RBFOX1: variants seen among roughly 807,000 people sequenced by gnomAD.
RBFOX1 encodes RNA binding fox-1 homolog 1.
RBFOX1 carries 8 observed loss-of-function variants against 57.7 expected under a neutral mutation model. The ratio of observed to expected loss-of-function variants is 0.14; its 90% CI spans 0.08 to 0.25. The LOEUF is 0.25. RBFOX1 is among the 10% of genes least tolerant of loss of function. RBFOX1 has a pLI of 1.00. For missense variants in RBFOX1, 611 were observed against 548.5 expected (o/e 1.11, Z -1.14); for synonymous variants, 326 against 222.4 (o/e 1.47, Z -4.15).
chr16:6,961,352 G>C (rs1183374569), intron 3 of RBFOX1, among the ~76,000 whole-genome samples: 3 of 152,134 alleles, frequency 2.0e-5, no homozygotes, highest in Non-Finnish European at 2.9e-5. Flanking sequence ...GTCCACTCCA[G>C]ACCGTGTTCA....
intron 1 of RBFOX1, among the ~76,000 whole-genome samples, chr16:5,312,190 T>G (rs1281636948): frequency 6.6e-6 from 1 of 152,230 alleles, no homozygotes; most frequent in Non-Finnish European, 1.5e-5. Context: ...AGGCCATTGT[T>G]GTGAGTGAAG....
At chr16:6,465,592 A>G (rs1337381242) in intron 2 of RBFOX1, among the ~76,000 whole-genome samples, 3 of 139,978 alleles carry the variant, frequency 2.1e-5, no homozygotes, top group Non-Finnish European at 4.5e-5. Flanking sequence ...TTATAGATGT[A>G]TAGGGCTGTG....
intron 4 of RBFOX1, among the ~76,000 whole-genome samples, chr16:7,440,100 C>T (rs958765037): frequency 2.6e-5 from 4 of 151,854 alleles, no homozygotes; most frequent in Admixed American, 6.6e-5. Context: ...TTTGCCGTGT[C>T]GCCTAGGCTG....
At chr16:7,043,618 G>C (rs772168347) in intron 3 of RBFOX1, among the ~76,000 whole-genome samples, 65 of 152,198 alleles carry the variant, frequency 4.3e-4, no homozygotes, top group Non-Finnish European at 8.1e-4. Context: ...TGGTAAACTT[G>C]TCCAGTGTTT....
At chr16:6,842,765 T>C (rs1038373712) in intron 3 of RBFOX1, among the ~76,000 whole-genome samples, 43 of 151,972 alleles carry the variant, frequency 2.8e-4, no homozygotes, top group African/African-American at 1.0e-3. Flanking sequence ...CAACCCGTCA[T>C]CTAGGTTTTA....
rs571477078 is a variant in RBFOX1, at chr16:6,404,059, G to A, written c.-64+87002G>A. Among the ~76,000 whole-genome samples, 9 of 152,206 alleles carry A rather than the reference G, an allele frequency of 5.9e-5. No individual in the cohort carries two copies. The East Asian group carries it at 9.7e-4, about 16-fold the overall frequency. ...AAATTTATGTTGTTTAACTCACCTAGCCTATACAGCTGGCTCTCCATGTCC... is the reference window on the plus strand; with the variant it reads ...AAATTTATGTTGTTTAACTCACCTAACCTATACAGCTGGCTCTCCATGTCC... On this transcript the variant is annotated intron_variant, in intron 2 of 15. Coordinates refer to ENST00000550418, the MANE Select transcript of RBFOX1 (RefSeq NM_018723.4).
chr16:6,484,719 T>G (rs967409140), intron 2 of RBFOX1, among the ~76,000 whole-genome samples: 3 of 152,086 alleles, frequency 2.0e-5, no homozygotes, highest in Non-Finnish European at 4.4e-5. Flanking sequence ...CCTTCCTACT[T>G]AAGAGGGCTC....
intron 3 of RBFOX1, among the ~76,000 whole-genome samples, chr16:7,037,281 C>A (rs771175305): frequency 7.4e-6 from 1 of 134,512 alleles, no homozygotes; most frequent in Non-Finnish European, 1.5e-5. Context: ...CTCTTGTTGC[C>A]CAGGCTGGAG....
intron 2 of RBFOX1, among the ~76,000 whole-genome samples, chr16:6,589,098 T>C (rs938635141): frequency 2.5e-5 from 1 of 39,806 alleles, no homozygotes; most frequent in Non-Finnish European, 1.5e-4. Context: ...ATTCCATCTA[T>C]ATTACAAAAA....
chr16:6,946,749 C>T (rs1049421265), intron 3 of RBFOX1, among the ~76,000 whole-genome samples: 3 of 152,034 alleles, frequency 2.0e-5, no homozygotes, highest in Non-Finnish European at 4.4e-5. Context: ...ACTACAGACT[C>T]ACTCCACTCT....
chr16:6,780,758 T>G (rs2080876959), intron 3 of RBFOX1, among the ~76,000 whole-genome samples: 1 of 151,626 alleles, frequency 6.6e-6, no homozygotes, highest in African/African-American at 2.4e-5. Flanking sequence ...CGTTGAGCAT[T>G]TTTCCGCATA....
intron 3 of RBFOX1, among the ~76,000 whole-genome samples, chr16:5,620,960 C>T (rs556036251): frequency 1.3e-5 from 2 of 152,158 alleles, no homozygotes; most frequent in Admixed American, 6.5e-5. Context: ...CCTGCCTCAG[C>T]CTCCCAAGTA....
intron 2 of RBFOX1, among the ~76,000 whole-genome samples, chr16:5,597,445 C>G (rs1047173271): frequency 7.2e-6 from 1 of 139,152 alleles, no homozygotes; most frequent in Non-Finnish European, 1.5e-5. Flanking sequence ...GTCGCTCAGG[C>G]TGGAGTGCAA....
intron 1 of RBFOX1, among the ~76,000 whole-genome samples, chr16:6,271,848 G>A (rs926125281): frequency 6.6e-6 from 1 of 152,080 alleles, no homozygotes; most frequent in South Asian, 2.1e-4. Context: ...GGAGGTTTTT[G>A]TTAGAGAATT....
intron 3 of RBFOX1, among the ~76,000 whole-genome samples, chr16:5,729,426 G>A (rs28503337): frequency 0.41 from 57,346 of 140,912 alleles, 14,320 homozygotes; most frequent in East Asian, 0.8. Flanking sequence ...GCCAGCCAAG[G>A]AATGGATTAT....
At chr16:6,817,786 G>A (rs997340483) in intron 3 of RBFOX1, among the ~76,000 whole-genome samples, 22 of 152,102 alleles carry the variant, frequency 1.4e-4, no homozygotes, top group Admixed American at 3.9e-4. Flanking sequence ...AAACTTCTAA[G>A]TTTCTGACAA....
intron 1 of RBFOX1, among the ~76,000 whole-genome samples, chr16:6,031,803 C>G (rs2095294289): frequency 6.6e-6 from 1 of 152,224 alleles, no homozygotes; most frequent in African/African-American, 2.4e-5. Context: ...GAGCATAGCT[C>G]TGTTTTGCCT....
At chr16:5,686,388 T>G (rs1436714487) in intron 3 of RBFOX1, among the ~76,000 whole-genome samples, 1 of 152,170 alleles carries the variant, frequency 6.6e-6, no homozygotes, top group Non-Finnish European at 1.5e-5. Context: ...TTTTCTCCAT[T>G]ATTTTTTGAG....
intron 5 of RBFOX1, among the ~76,000 whole-genome samples, chr16:7,572,348 C>T (rs568067104): frequency 3.9e-5 from 6 of 152,250 alleles, no homozygotes; most frequent in East Asian, 3.9e-4. Flanking sequence ...TAGTCATTTA[C>T]GCTGCAGATA....
Sources: allele counts gnomAD v4.1 joint callset (sites outside exome capture counted in the v4.1 genomes callset), GRCh38; gene constraint gnomAD v4.1.1; transcripts MANE v1.5; gene names NCBI Gene and HGNC (gene_info 2026-07-23, HGNC 2026-07-21).